LRFN5: variants seen among roughly 807,000 people sequenced by gnomAD.
The protein encoded by LRFN5 is leucine-rich repeat and fibronectin type-III domain-containing protein 5.
LRFN5 carries 24 observed loss-of-function variants against 45.6 expected under a neutral mutation model. The ratio of observed to expected loss-of-function variants is 0.53; its 90% CI spans 0.38 to 0.74. The LOEUF (loss-of-function observed/expected upper bound fraction) is 0.74, where lower values mean the gene tolerates loss of function less well. Among genes scored for constraint, LRFN5 ranks in the 30% least tolerant of loss-of-function variants. LRFN5 has a pLI of 0.00. For missense variants in LRFN5, 776 were observed against 861.5 expected, an observed-to-expected ratio of 0.90 and a Z score of 1.24; for synonymous variants, 340 against 313.8, an observed-to-expected ratio of 1.08 and a Z score of -0.88.
At chr14:41,894,800 G>C in intron 4 of LRFN5, 5 of 981,398 alleles carry the variant, frequency 5.1e-6, no homozygotes, top group Non-Finnish European at 6.1e-6. Flanking sequence ...GTACAATACA[G>C]ATTTGTTATC....
chr14:41,888,021 T>C lies in LRFN5; in HGVS notation c.1385+11T>C. 1.3e-6 allele frequency: 2 copies of C among 1,564,606 alleles called. No individual in the cohort carries two copies. The highest frequency in any genetic ancestry group is 2.2e-5 in the East Asian group (1 of 44,494). On this transcript the variant is annotated intron_variant, in intron 3 of 5. Transcript: ENST00000298119. ...CACCCTTGTTTACAGGTAAGAAAAA[T>C]TGAGCAAATTTGTATACTTACCATG...
At chr14:41,733,334 T>C (rs1884263647) in intron 1 of LRFN5, 1 of 152,096 alleles carries the variant, frequency 6.6e-6, no homozygotes, top group South Asian at 2.1e-4. Context: ...AGAAGCCTGC[T>C]TATCATATGC....
intron 2 of LRFN5, among the ~76,000 whole-genome samples, chr14:41,878,693 T>A (rs1890270929): frequency 6.6e-6 from 1 of 152,160 alleles, no homozygotes; most frequent in Non-Finnish European, 1.5e-5. Flanking sequence ...TCTGTGTTGC[T>A]TACATTTAAC....
intron 1 of LRFN5, among the ~76,000 whole-genome samples, chr14:41,674,077 G>A (rs1474298280): frequency 6.8e-5 from 10 of 148,066 alleles, no homozygotes; most frequent in Admixed American, 6.7e-4. Flanking sequence ...GCGGGGGGCT[G>A]ACCCCCCCAC....
At chr14:41,856,380 T>A (rs1203472334) in intron 2 of LRFN5, among the ~76,000 whole-genome samples, 2 of 152,208 alleles carry the variant, frequency 1.3e-5, no homozygotes, top group African/African-American at 2.4e-5. Flanking sequence ...ATGTAAATAG[T>A]GCATAGCCTT....
intron 1 of LRFN5, among the ~76,000 whole-genome samples, chr14:41,664,513 T>C (rs1236088583): frequency 6.6e-6 from 1 of 151,912 alleles, no homozygotes; most frequent in African/African-American, 2.4e-5. Context: ...ATTTTCTTTC[T>C]AGGCTGGGCA....
chr14:41,758,676 A>G (rs1470987377), intron 1 of LRFN5, among the ~76,000 whole-genome samples: 2 of 152,210 alleles, frequency 1.3e-5, no homozygotes, highest in East Asian at 1.9e-4. Flanking sequence ...CTTTGCAAAC[A>G]TTATTTTGTA....
At chr14:41,835,933 TA>T (rs35558917) in intron 2 of LRFN5, among the ~76,000 whole-genome samples, 4,617 of 146,406 alleles carry the variant, frequency 0.032, 81 homozygotes, top group African/African-American at 0.05. Flanking sequence ...TCTTTTTTTT[TA>T]AAAAAAAAAA....
intron 2 of LRFN5, among the ~76,000 whole-genome samples, chr14:41,775,341 C>T (rs112443866): frequency 1.3e-5 from 2 of 151,930 alleles, no homozygotes; most frequent in Non-Finnish European, 2.9e-5. Context: ...CGCCCACCTC[C>T]GCCTTCCAAA....
intron 1 of LRFN5, among the ~76,000 whole-genome samples, chr14:41,704,444 C>CTGTGTGTGTGTGTGTGTGTGTGTGTG (rs1406046125): frequency 7.8e-6 from 1 of 127,864 alleles, no homozygotes; most frequent in African/African-American, 3.5e-5. Context: ...CTCTCTCTCT[C>CTGTGTGTGTGTGTGTGTGTGTGTGTG]TCTCTGTGTG....
At chr14:41,673,338 C>CG (rs1222243508) in intron 1 of LRFN5, among the ~76,000 whole-genome samples, 1 of 143,860 alleles carries the variant, frequency 7.0e-6, no homozygotes, top group Non-Finnish European at 1.6e-5. Flanking sequence ...GCTGGCCGGG[C>CG]GGGGGGCTGA....
At chr14:41,823,350 A>G (rs1042896989) in intron 2 of LRFN5, among the ~76,000 whole-genome samples, 1 of 151,730 alleles carries the variant, frequency 6.6e-6, no homozygotes, top group Non-Finnish European at 1.5e-5. Context: ...TTCCCTTAGC[A>G]TTCGCTTGTT....
At chr14:41,746,582 C>A (rs555228907) in intron 1 of LRFN5, among the ~76,000 whole-genome samples, 54 of 152,042 alleles carry the variant, frequency 3.6e-4, no homozygotes, top group Non-Finnish European at 6.3e-4. Context: ...ATGTTGAACA[C>A]CTTTTCCTAT....
intron 2 of LRFN5, among the ~76,000 whole-genome samples, chr14:41,816,849 A>T (rs1887935403): frequency 6.6e-6 from 1 of 151,992 alleles, no homozygotes; most frequent in Non-Finnish European, 1.5e-5. Flanking sequence ...TTGTGGTTTC[A>T]AATATTTACT....
intron 5 of LRFN5, among the ~76,000 whole-genome samples, chr14:41,901,528 G>A: frequency 6.6e-6 from 1 of 151,194 alleles, no homozygotes; most frequent in East Asian, 1.9e-4. Context: ...TAAGATAATT[G>A]CTTCTTGATT....
In LRFN5 at chr14:41,891,598, ACAAGGCTGTAGTG is replaced by A; in HGVS notation, c.1735_1747del (p.Gln579Ter). The A allele has an allele frequency of 6.2e-7, 1 of 1,614,210 alleles. No homozygotes were observed. The highest frequency in any genetic ancestry group is 8.5e-7 in the Non-Finnish European group (1 of 1,180,032). ...ATTCCCAAACTAACGGGGCTCAAATACAAGGCTGTAGTGTAACGCTGCCCCAGTCCGTGTCCAA... is the reference window on the plus strand; with the variant it reads ...ATTCCCAAACTAACGGGGCTCAAATATAACGCTGCCCCAGTCCGTGTCCAA... On this transcript the variant is annotated frameshift_variant, in exon 4 of 6. Transcript: ENST00000298119. LOFTEE classifies it high-confidence loss of function.
intron 2 of LRFN5, among the ~76,000 whole-genome samples, chr14:41,789,319 A>G (rs1056164022): frequency 2.0e-5 from 3 of 152,012 alleles, no homozygotes; most frequent in African/African-American, 7.2e-5. Flanking sequence ...AATTATGGAA[A>G]TAATTCCAGT....
intron 1 of LRFN5, among the ~76,000 whole-genome samples, chr14:41,762,417 G>A (rs918446508): frequency 6.6e-6 from 1 of 152,072 alleles, no homozygotes; most frequent in East Asian, 1.9e-4. Context: ...GTAATAATTT[G>A]TAAAAGTTTT....
At chr14:41,866,378 G>A (rs570727566) in intron 2 of LRFN5, among the ~76,000 whole-genome samples, 117 of 152,180 alleles carry the variant, frequency 7.7e-4, no homozygotes, top group Non-Finnish European at 1.5e-3. Context: ...TTACAGCTGA[G>A]GAGCAAGTCT....
Sources: gnomAD v4.1 joint callset for allele counts (sites outside exome capture counted in the v4.1 genomes callset) on GRCh38, gnomAD v4.1.1 for gene constraint, MANE v1.5 for transcripts, NCBI Gene and HGNC (gene_info 2026-07-23, HGNC 2026-07-21) for gene names.